Variants in CCDC7 observed in about 807,000 individuals in gnomAD.
The protein encoded by CCDC7 is coiled-coil domain containing 7, also known as coiled-coil domain-containing protein 7.
Under a neutral mutation model 196.9 loss-of-function variants are expected in CCDC7, and 183 were observed. That is an observed-to-expected ratio of 0.93 (90% CI 0.82 to 1.05). CCDC7 has a LOEUF of 1.05. Ranked by LOEUF, CCDC7 falls within the 50% of genes least tolerant of loss-of-function variation. CCDC7 has a pLI of 0.00. For missense variants in CCDC7, 1,540 were observed against 1,482.2 expected (o/e 1.04, Z -0.64); for synonymous variants, 525 against 484.6 (o/e 1.08, Z -1.10).
At chr10:32,744,568 C>T (rs1333846559) in intron 28 of CCDC7, among the ~76,000 whole-genome samples, 1 of 152,164 alleles carries the variant, frequency 6.6e-6, no homozygotes, top group African/African-American at 2.4e-5. Context: ...TTCCTAATGA[C>T]ATATATGTTA....
chr10:32,482,407 G>A (rs909064007), intron 8 of CCDC7, among the ~76,000 whole-genome samples: 2 of 151,508 alleles, frequency 1.3e-5, no homozygotes, highest in Non-Finnish European at 3.0e-5. Flanking sequence ...TAAGTTTACA[G>A]ATTCTTTCTT....
intron 3 of CCDC7, among the ~76,000 whole-genome samples, chr10:32,457,141 C>A (rs901215033): frequency 1.3e-5 from 2 of 151,932 alleles, no homozygotes; most frequent in African/African-American, 4.8e-5. Context: ...TCTCCCTATC[C>A]TCCCTCACCC....
At chr10:32,786,326 A>G (rs2081870573) in intron 29 of CCDC7, among the ~76,000 whole-genome samples, 1 of 152,238 alleles carries the variant, frequency 6.6e-6, no homozygotes, top group African/African-American at 2.4e-5. Context: ...TTTAATATCC[A>G]AATGAACAAC....
At chr10:32,662,793 T>A (rs2140428433) in intron 20 of CCDC7, among the ~76,000 whole-genome samples, 1 of 152,306 alleles carries the variant, frequency 6.6e-6, no homozygotes, top group Admixed American at 6.5e-5. Flanking sequence ...CAAGTTCAAT[T>A]GAGCTAGATA....
intron 31 of CCDC7, among the ~76,000 whole-genome samples, chr10:32,821,205 G>A (rs966250193): frequency 1.3e-5 from 2 of 152,306 alleles, no homozygotes; most frequent in Non-Finnish European, 2.9e-5. Flanking sequence ...ACGGACACAT[G>A]AAAAAATGCT....
chr10:32,819,732 T>A (rs965370802), intron 31 of CCDC7, among the ~76,000 whole-genome samples: 1 of 152,088 alleles, frequency 6.6e-6, no homozygotes, highest in African/African-American at 2.4e-5. Flanking sequence ...ATTATCTCAA[T>A]AGATGCAGAA....
chr10:32,642,778 C>A (rs1179102527), intron 20 of CCDC7, among the ~76,000 whole-genome samples: 2 of 152,154 alleles, frequency 1.3e-5, no homozygotes, highest in Non-Finnish European at 2.9e-5. Flanking sequence ...TGGAGCTGTT[C>A]CTGTTCAGCC....
intron 9 of CCDC7, among the ~76,000 whole-genome samples, chr10:32,515,808 G>T (rs968639138): frequency 6.6e-6 from 1 of 151,922 alleles, no homozygotes; most frequent in South Asian, 2.1e-4. Context: ...CAAAGTGCTG[G>T]GATTACAGGC....
At chr10:32,708,469 A>G (rs1306744334) in intron 24 of CCDC7, among the ~76,000 whole-genome samples, 4 of 152,204 alleles carry the variant, frequency 2.6e-5, no homozygotes, top group South Asian at 2.1e-4. Flanking sequence ...AAATAGACAA[A>G]TGGGATCTAA....
chr10:32,853,008 A>G, intron 40 of CCDC7, among the ~76,000 whole-genome samples: 1 of 151,908 alleles, frequency 6.6e-6, no homozygotes, highest in East Asian at 1.9e-4. Context: ...GTTGGTTGGA[A>G]CTCCTAGCTT....
At chr10:32,746,817 C>T (rs2074834380) in intron 28 of CCDC7, among the ~76,000 whole-genome samples, 1 of 152,214 alleles carries the variant, frequency 6.6e-6, no homozygotes, top group African/African-American at 2.4e-5. Flanking sequence ...TCAGCCTCCC[C>T]TCAATGCTTT....
intron 21 of CCDC7, among the ~76,000 whole-genome samples, chr10:32,679,021 A>AT (rs1019788002): frequency 3.9e-4 from 59 of 152,058 alleles, no homozygotes; most frequent in Admixed American, 1.6e-3. Flanking sequence ...CTTATCAGAA[A>AT]TTTTTTTTGA....
chr10:32,715,887 A>T (rs115663885), intron 25 of CCDC7, among the ~76,000 whole-genome samples: 1 of 152,210 alleles, frequency 6.6e-6, no homozygotes, highest in Non-Finnish European at 1.5e-5. Flanking sequence ...AGCCTCTAAG[A>T]TATATGGGAC....
chr10:32,565,486 G>A lies in CCDC7; in HGVS notation c.1135-72G>A, dbSNP rs2056626969. 27 of 1,498,650 alleles carry A rather than the reference G, an allele frequency of 1.8e-5. 1 individual carries two copies. In the East Asian group the frequency reaches 2.7e-4, roughly 15 times the overall value. The allele number at this position is 1,498,650 out of a possible 1,614,324, so 92.8% of individuals were successfully genotyped here. Reference sequence around the variant, plus strand: ...TTGGGTATCTATGGGTTTTGGAAAAGTAATACTGGTAAAACTAAATTAATT... The same window carrying A: ...TTGGGTATCTATGGGTTTTGGAAAAATAATACTGGTAAAACTAAATTAATT... On this transcript the variant is annotated intron_variant, in intron 13 of 41. Coordinates refer to ENST00000639629, the Ensembl canonical transcript of CCDC7.
chr10:32,707,968 CTACTT>C (rs1210499148), intron 24 of CCDC7, among the ~76,000 whole-genome samples: 1 of 152,116 alleles, frequency 6.6e-6, no homozygotes, highest in Non-Finnish European at 1.5e-5. Context: ...TTGGAAAAAA[CTACTT>C]TAAAGTTCAT....
chr10:32,626,509 G>A (rs1355457054), intron 18 of CCDC7, among the ~76,000 whole-genome samples: 4 of 151,654 alleles, frequency 2.6e-5, no homozygotes, highest in Non-Finnish European at 4.4e-5. Context: ...CTAATTCATA[G>A]GTTGTCTCTT....
intron 18 of CCDC7, among the ~76,000 whole-genome samples, chr10:32,607,808 T>C (rs921353841): frequency 6.6e-6 from 1 of 152,156 alleles, no homozygotes; most frequent in Non-Finnish European, 1.5e-5. Context: ...TATCTTTGGA[T>C]TTGATATCAA....
chr10:32,801,702 TCC>T (rs2135047054), intron 29 of CCDC7, among the ~76,000 whole-genome samples: 1 of 152,280 alleles, frequency 6.6e-6, no homozygotes, highest in East Asian at 1.9e-4. Flanking sequence ...TGGGAGTGGG[TCC>T]TGAGGAAAAT....
intron 29 of CCDC7, among the ~76,000 whole-genome samples, chr10:32,798,043 C>CTACG (rs1348410165): frequency 2.0e-5 from 3 of 152,152 alleles, no homozygotes; most frequent in Non-Finnish European, 2.9e-5. Flanking sequence ...AGAGGCAATA[C>CTACG]TACGTGGAAT....
Sources: gnomAD v4.1 joint callset for allele counts (sites outside exome capture counted in the v4.1 genomes callset) on GRCh38, gnomAD v4.1.1 for gene constraint, MANE v1.5 for transcripts, NCBI Gene and HGNC (gene_info 2026-07-23, HGNC 2026-07-21) for gene names.